NDST3: variants seen among roughly 807,000 people sequenced by gnomAD.
NDST3 encodes the protein N-deacetylase and N-sulfotransferase 3, also known as bifunctional heparan sulfate N-deacetylase/N-sulfotransferase 3.
A neutral mutation model predicts 96.1 loss-of-function variants in NDST3; 58 were observed. The ratio of observed to expected loss-of-function variants is 0.60; its 90% CI spans 0.49 to 0.75. NDST3 has a LOEUF of 0.75. Ranked by LOEUF, NDST3 falls within the 30% of genes least tolerant of loss-of-function variation. The pLI, the probability that NDST3 is intolerant of heterozygous loss-of-function variation, is 0.00. For missense variants in NDST3, 788 were observed against 1,034.2 expected, an observed-to-expected ratio of 0.76 and a Z score of 3.27; for synonymous variants, 333 against 359.7, an observed-to-expected ratio of 0.93 and a Z score of 0.84.
intron 3 of NDST3, among the ~76,000 whole-genome samples, chr4:118,107,477 T>C (rs1199786732): frequency 6.6e-6 from 1 of 152,012 alleles, no homozygotes; most frequent in Admixed American, 6.6e-5. Context: ...ATATAAACCA[T>C]ATAGAAAAAG....
intron 6 of NDST3, chr4:118,194,242 C>A: frequency 1.4e-6 from 1 of 725,416 alleles, no homozygotes; most frequent in Non-Finnish European, 2.5e-6. Context: ...CCAGTGCAAT[C>A]TCCATGATAG....
intron 2 of NDST3, among the ~76,000 whole-genome samples, chr4:118,070,967 G>C (rs1184334748): frequency 6.6e-6 from 1 of 151,860 alleles, no homozygotes; most frequent in Non-Finnish European, 1.5e-5. Flanking sequence ...TCCCTACAAA[G>C]GACATGAACT....
At chr4:118,215,686 G>A (rs193296221) in intron 6 of NDST3, among the ~76,000 whole-genome samples, 54 of 152,250 alleles carry the variant, frequency 3.5e-4, no homozygotes, top group African/African-American at 1.2e-3. Flanking sequence ...AAGATCACAT[G>A]GGAGTTGAAA....
chr4:118,054,948 A>T, intron 2 of NDST3, 57 bp downstream of exon 2: 1 of 1,589,088 alleles, frequency 6.3e-7, no homozygotes, highest in Non-Finnish European at 8.5e-7. Context: ...CAGGGATACA[A>T]CTATCCCAGT....
At chr4:118,042,736 C>A (rs1045711060) in intron 1 of NDST3, among the ~76,000 whole-genome samples, 1 of 152,198 alleles carries the variant, frequency 6.6e-6, no homozygotes, top group African/African-American at 2.4e-5. Context: ...ATTTCTTCAA[C>A]CTTGCCAGGG....
Position 118,163,536 on chromosome 4 carries a change from G to T in NDST3, c.1539+19852G>T, listed in dbSNP as rs1195441795. Among the ~76,000 whole-genome samples, 3 of 151,954 alleles carry T rather than the reference G, an allele frequency of 2.0e-5. No homozygotes were observed. In the South Asian group the frequency reaches 6.2e-4, roughly 32 times the overall value. On this transcript the variant is annotated intron_variant, in intron 6 of 13. Coordinates refer to ENST00000296499, the MANE Select transcript of NDST3 (RefSeq NM_004784.3). ...AAACACCGCATATTCTCACTCATAG[G>T]TGGGAACTGAACAATGAGAACACAT...
chr4:118,076,831 G>A (rs1727580051), intron 2 of NDST3, among the ~76,000 whole-genome samples: 1 of 152,076 alleles, frequency 6.6e-6, no homozygotes, highest in Non-Finnish European at 1.5e-5. Context: ...AACCATTTCC[G>A]GAAAACTACT....
chr4:118,240,479 T>A (rs935662562), intron 10 of NDST3, 45 bp from the exon 11 acceptor site: 1 of 1,458,426 alleles, frequency 6.9e-7, no homozygotes, highest in Non-Finnish European at 9.2e-7. Flanking sequence ...TAATTATTTA[T>A]GCCTACGGTT....
At chr4:118,085,883 T>C (rs189575688) in intron 2 of NDST3, among the ~76,000 whole-genome samples, 80 of 152,320 alleles carry the variant, frequency 5.3e-4, no homozygotes, top group African/African-American at 1.8e-3. Flanking sequence ...GGCTTTTATG[T>C]GTTCCGCTGA....
intron 2 of NDST3, among the ~76,000 whole-genome samples, chr4:118,086,727 G>A (rs866958632): frequency 7.9e-5 from 12 of 152,090 alleles, no homozygotes; most frequent in Non-Finnish European, 1.2e-4. Context: ...TAAATGCTAT[G>A]CTTTCATCGG....
At chr4:118,178,135 G>C (rs1319940940) in intron 6 of NDST3, among the ~76,000 whole-genome samples, 2 of 151,618 alleles carry the variant, frequency 1.3e-5, no homozygotes, top group African/African-American at 4.8e-5. Context: ...ATATAACAAG[G>C]CTGAAATTAG....
At chr4:118,222,637 G>A (rs1437504196) in intron 6 of NDST3, among the ~76,000 whole-genome samples, 1 of 151,974 alleles carries the variant, frequency 6.6e-6, no homozygotes, top group Non-Finnish European at 1.5e-5. Context: ...CACGCTTGGA[G>A]GCTAAGTAGG....
chr4:118,251,276 G>A (rs972897504), intron 12 of NDST3, among the ~76,000 whole-genome samples: 1 of 150,816 alleles, frequency 6.6e-6, no homozygotes, highest in African/African-American at 2.4e-5. Flanking sequence ...ACAGGCGCCT[G>A]CCACCACGCC....
intron 1 of NDST3, among the ~76,000 whole-genome samples, chr4:118,041,924 T>C (rs1211941716): frequency 6.6e-6 from 1 of 152,170 alleles, no homozygotes; most frequent in Non-Finnish European, 1.5e-5. Flanking sequence ...GTTAATAATA[T>C]TTCATAAGAG....
At chr4:118,230,457 C>T (rs755340943) in intron 8 of NDST3, among the ~76,000 whole-genome samples, 17 of 152,020 alleles carry the variant, frequency 1.1e-4, no homozygotes, top group Middle Eastern at 3.2e-3. Context: ...CGCCTGTAGT[C>T]CCAGCTACTC....
chr4:118,051,508 T>C (rs764009526), intron 1 of NDST3, among the ~76,000 whole-genome samples: 1 of 152,000 alleles, frequency 6.6e-6, no homozygotes, highest in African/African-American at 2.4e-5. Context: ...AAAGTGTGCA[T>C]CCAACAAAGG....
chr4:118,160,341 C>CG (rs1359267256), intron 6 of NDST3, among the ~76,000 whole-genome samples: 1 of 152,036 alleles, frequency 6.6e-6, no homozygotes, highest in African/African-American at 2.4e-5. Flanking sequence ...GGAGGAGCTT[C>CG]TGCACAACAA....
At chr4:118,184,297 AT>A (rs1736786920) in intron 6 of NDST3, among the ~76,000 whole-genome samples, 1 of 152,102 alleles carries the variant, frequency 6.6e-6, no homozygotes, top group Non-Finnish European at 1.5e-5. Flanking sequence ...CTGTGCAGGT[AT>A]TTCTTTAGAT....
intron 6 of NDST3, among the ~76,000 whole-genome samples, chr4:118,174,954 C>T (rs1289613056): frequency 6.6e-6 from 1 of 152,136 alleles, no homozygotes; most frequent in Non-Finnish European, 1.5e-5. Context: ...CCATCCCTTC[C>T]TTTCACATTT....
Sources: gnomAD v4.1 joint callset for allele counts (sites outside exome capture counted in the v4.1 genomes callset) on GRCh38, gnomAD v4.1.1 for gene constraint, MANE v1.5 for transcripts, NCBI Gene and HGNC (gene_info 2026-07-23, HGNC 2026-07-21) for gene names.